The following ADAMTS12 variants were observed in gnomAD, a reference collection of about 807,000 sequenced individuals.
The protein encoded by ADAMTS12 is ADAM metallopeptidase with thrombospondin type 1 motif 12.
Under a neutral mutation model 167.8 loss-of-function variants are expected in ADAMTS12, and 118 were observed. The observed-to-expected ratio is 0.70, with a 90% CI of 0.61 to 0.82. The LOEUF is 0.82. Ranked by LOEUF, ADAMTS12 falls within the 40% of genes least tolerant of loss-of-function variation. The pLI is 0.00. For missense variants in ADAMTS12, 1,916 were observed against 1,998.8 expected, an observed-to-expected ratio of 0.96 and a Z score of 0.79; for synonymous variants, 704 against 716.9, an observed-to-expected ratio of 0.98 and a Z score of 0.29.
chr5:33,722,975 A>G (rs2112338447), intron 3 of ADAMTS12, among the ~76,000 whole-genome samples: 1 of 152,264 alleles, frequency 6.6e-6, no homozygotes, highest in South Asian at 2.1e-4. Context: ...AGCCCAAGAA[A>G]AGCAGAGAGA....
Position 33,662,022 on chromosome 5 carries a change from G to C in ADAMTS12, c.934C>G (p.His312Asp). 1 of 1,611,186 alleles carries C rather than the reference G, an allele frequency of 6.2e-7. No individual in the cohort carries two copies. Among genetic ancestry groups the C allele is most frequent in the South Asian group, 1.1e-5 (1 of 91,032 alleles). ...EEEEQGLKIV[H>D]HAEKTLSSFC... ...CTAGACAGTGTCTTTTCTGCATGGT[G>C]AACTATTTTCAGTCCTTGCTGGAGA... is the stretch of plus-strand genomic sequence containing the variant. The change falls in exon 6 of 24, where the codon CAC becomes GAC. Residue 312 changes from histidine (H) to aspartate (D), a missense_variant. By Grantham distance (81) the His-to-Asp change is moderately conservative. Transcript: ENST00000504830.
chr5:33,885,354 T>C (rs778346682), intron 1 of ADAMTS12, among the ~76,000 whole-genome samples: 1 of 152,082 alleles, frequency 6.6e-6, no homozygotes, highest in Non-Finnish European at 1.5e-5. Context: ...ATGATGAGAT[T>C]TGGGGTGTGG....
chr5:33,813,035 T>C (rs867168723), intron 2 of ADAMTS12, among the ~76,000 whole-genome samples: 126 of 152,354 alleles, frequency 8.3e-4, no homozygotes, highest in African/African-American at 2.8e-3. Context: ...TAATTCTATT[T>C]ACGTGAATTT....
At chr5:33,545,578 A>G (rs1744930866) in intron 22 of ADAMTS12, among the ~76,000 whole-genome samples, 1 of 152,238 alleles carries the variant, frequency 6.6e-6, no homozygotes, top group Non-Finnish European at 1.5e-5. Context: ...TTATTGTGGC[A>G]CTATTCACAA....
At chr5:33,663,503 C>T (rs1741342359) in intron 5 of ADAMTS12, among the ~76,000 whole-genome samples, 2 of 152,256 alleles carry the variant, frequency 1.3e-5, no homozygotes, top group African/African-American at 4.8e-5. Context: ...TTACTATGTG[C>T]CAGATGCTTT....
At chr5:33,865,591 C>G (rs1008788414) in intron 2 of ADAMTS12, among the ~76,000 whole-genome samples, 7 of 152,112 alleles carry the variant, frequency 4.6e-5, no homozygotes, top group African/African-American at 1.4e-4. Flanking sequence ...CACTTCCATT[C>G]AACATACTAC....
chr5:33,725,001 G>A (rs1475534778), intron 3 of ADAMTS12, among the ~76,000 whole-genome samples: 2 of 152,100 alleles, frequency 1.3e-5, no homozygotes, highest in African/African-American at 2.4e-5. Flanking sequence ...GCTCAGGCCC[G>A]GAAACCCTAT....
At chr5:33,665,637 G>A (rs548783709) in intron 5 of ADAMTS12, among the ~76,000 whole-genome samples, 31 of 152,286 alleles carry the variant, frequency 2.0e-4, no homozygotes, top group Non-Finnish European at 4.0e-4. Context: ...AAAGACTTCA[G>A]GTGGAAACCA....
intron 21 of ADAMTS12, among the ~76,000 whole-genome samples, chr5:33,547,704 G>A (rs1745048575): frequency 6.6e-6 from 1 of 152,132 alleles, no homozygotes; most frequent in Non-Finnish European, 1.5e-5. Context: ...TCAGGGAGCA[G>A]GTTCCTGATG....
At chr5:33,628,601 T>C (rs757727872) in intron 13 of ADAMTS12, among the ~76,000 whole-genome samples, 1 of 152,162 alleles carries the variant, frequency 6.6e-6, no homozygotes, top group Admixed American at 6.5e-5. Context: ...TCACAACGAA[T>C]GCAGATTAGA....
At chr5:33,881,046 G>A (rs1437830574) in intron 2 of ADAMTS12, 73 bp downstream of exon 2, 1 of 1,556,344 alleles carries the variant, frequency 6.4e-7, no homozygotes, top group Non-Finnish European at 8.7e-7. Flanking sequence ...CTGTGAACCT[G>A]TTGGTAGTAG....
chr5:33,544,610 T>C (rs532390318), intron 22 of ADAMTS12, among the ~76,000 whole-genome samples: 4 of 152,118 alleles, frequency 2.6e-5, no homozygotes, highest in Non-Finnish European at 5.9e-5. Context: ...GACTTCAAAT[T>C]ATACTACAAG....
chr5:33,721,344 T>A, intron 3 of ADAMTS12, among the ~76,000 whole-genome samples: 1 of 152,176 alleles, frequency 6.6e-6, no homozygotes, highest in South Asian at 2.1e-4. Flanking sequence ...TACGACATAA[T>A]AACTTTTTCA....
intron 3 of ADAMTS12, among the ~76,000 whole-genome samples, chr5:33,697,809 T>C (rs926594775): frequency 2.6e-5 from 4 of 152,166 alleles, no homozygotes; most frequent in Non-Finnish European, 5.9e-5. Context: ...CCCCGGCCAA[T>C]GGGGAAAGGG....
At chr5:33,686,011 T>C (rs1742311028) in intron 3 of ADAMTS12, among the ~76,000 whole-genome samples, 1 of 152,188 alleles carries the variant, frequency 6.6e-6, no homozygotes, top group African/African-American at 2.4e-5. Flanking sequence ...TGTTACAGGT[T>C]GGGCTGAGTA....
intron 2 of ADAMTS12, among the ~76,000 whole-genome samples, chr5:33,752,455 A>G (rs1411198285): frequency 6.6e-6 from 1 of 152,238 alleles, no homozygotes; most frequent in Non-Finnish European, 1.5e-5. Context: ...CAACTCCTCC[A>G]TGCAATAGTG....
intron 18 of ADAMTS12, among the ~76,000 whole-genome samples, chr5:33,588,379 T>C (rs1747463374): frequency 6.6e-6 from 1 of 152,194 alleles, no homozygotes. Flanking sequence ...ACCTCACCCC[T>C]GTCAGATAGT....
intron 3 of ADAMTS12, among the ~76,000 whole-genome samples, chr5:33,743,278 G>C (rs962517827): frequency 1.3e-5 from 2 of 152,254 alleles, no homozygotes; most frequent in African/African-American, 4.8e-5. Flanking sequence ...AGGCAGTCCA[G>C]GGTGGGGGAA....
At chr5:33,630,230 A>G (rs1164811040) in intron 13 of ADAMTS12, among the ~76,000 whole-genome samples, 1 of 152,214 alleles carries the variant, frequency 6.6e-6, no homozygotes, top group African/African-American at 2.4e-5. Context: ...GCAACAAGGA[A>G]TTCTTTAATG....
Sources: gnomAD v4.1 joint callset for allele counts (sites outside exome capture counted in the v4.1 genomes callset) on GRCh38, gnomAD v4.1.1 for gene constraint, MANE v1.5 for transcripts, NCBI Gene and HGNC (gene_info 2026-07-23, HGNC 2026-07-21) for gene names.